The following BMPR1A variants were observed in gnomAD, a reference collection of about 807,000 sequenced individuals.
The protein encoded by BMPR1A is bone morphogenetic protein receptor type 1A.
BMPR1A carries 7 observed loss-of-function variants against 66.0 expected under a neutral mutation model. That is an observed-to-expected ratio of 0.11 (90% CI 0.06 to 0.20). The LOEUF is 0.20. Ranked by LOEUF, BMPR1A falls within the 10% of genes least tolerant of loss-of-function variation. The pLI is 1.00. For synonymous variants in BMPR1A, 200 were observed against 229.7 expected (o/e 0.87, Z 1.17); for missense variants, 408 against 669.1 (o/e 0.61, Z 4.31).
intron 1 of BMPR1A, among the ~76,000 whole-genome samples, chr10:86,836,180 T>C (rs1199039524): frequency 6.6e-6 from 1 of 152,228 alleles, no homozygotes; most frequent in Non-Finnish European, 1.5e-5. Flanking sequence ...TGTGGTAAAT[T>C]ACCCAGTAAG....
chr10:86,922,910 G>A (rs919376168), intron 11 of BMPR1A, among the ~76,000 whole-genome samples: 2 of 152,342 alleles, frequency 1.3e-5, no homozygotes, highest in South Asian at 2.1e-4. Flanking sequence ...TTGTGTACCC[G>A]GGCACTGGCC....
intron 1 of BMPR1A, among the ~76,000 whole-genome samples, chr10:86,761,589 T>A (rs529678092): frequency 6.6e-6 from 1 of 152,378 alleles, no homozygotes; most frequent in African/African-American, 2.4e-5. Context: ...TGCCTAGTGT[T>A]CCACTATTGG....
At chr10:86,916,151 A>G (rs919446129) in intron 8 of BMPR1A, among the ~76,000 whole-genome samples, 9 of 152,222 alleles carry the variant, frequency 5.9e-5, no homozygotes, top group African/African-American at 1.9e-4. Context: ...AGTGAATTCT[A>G]AAAGTTGAGA....
Position 86,904,896 on chromosome 10 carries a change from C to A in BMPR1A, c.530+4770C>A, listed in dbSNP as rs182074205. Among the ~76,000 whole-genome samples the A allele has an allele frequency of 9.6e-4, 146 of 152,312 alleles. 1 individual carries two copies. The Middle Eastern group carries it at 0.01, about 11-fold the overall frequency. On this transcript the variant is annotated intron_variant, in intron 7 of 12. Coordinates refer to ENST00000372037, the MANE Select transcript of BMPR1A (RefSeq NM_004329.3). Reference sequence around the variant, plus strand: ...CCCTGTTTATTTAGCTTTAGAACTTCATGTGCTAGTTCAGTCTGTGAAGAT... The same window carrying A: ...CCCTGTTTATTTAGCTTTAGAACTTAATGTGCTAGTTCAGTCTGTGAAGAT...
chr10:86,789,705 CTCTG>C (rs1841572070), intron 1 of BMPR1A, among the ~76,000 whole-genome samples: 1 of 142,224 alleles, frequency 7.0e-6, no homozygotes, highest in South Asian at 2.2e-4. Flanking sequence ...AGAGTGAAAA[CTCTG>C]TCTTAGAAAA....
At chr10:86,880,580 G>T (rs926079759) in intron 3 of BMPR1A, among the ~76,000 whole-genome samples, 2 of 152,184 alleles carry the variant, frequency 1.3e-5, no homozygotes, top group Non-Finnish European at 2.9e-5. Context: ...TTTAATGGAT[G>T]AATACAGTTA....
chr10:86,835,549 C>CAAAAAAAAAAAAAAAAAAAAAAAAAAAA (rs55804247), intron 1 of BMPR1A, among the ~76,000 whole-genome samples: 2 of 44,338 alleles, frequency 4.5e-5, no homozygotes, highest in Non-Finnish European at 7.8e-5. Flanking sequence ...GACTCTGTAT[C>CAAAAAAAAAAAAAAAAAAAAAAAAAAAA]AAAAAAAAAA....
intron 1 of BMPR1A, among the ~76,000 whole-genome samples, chr10:86,809,331 C>A (rs1189850731): frequency 1.3e-5 from 2 of 151,496 alleles, no homozygotes; most frequent in Admixed American, 1.3e-4. Flanking sequence ...ACTCTGTCAC[C>A]CAGGCTGGAG....
intron 2 of BMPR1A, among the ~76,000 whole-genome samples, chr10:86,859,052 A>G (rs1465845316): frequency 1.3e-5 from 2 of 152,228 alleles, no homozygotes; most frequent in African/African-American, 4.8e-5. Flanking sequence ...CTGAAACAGC[A>G]TGGTACTAGC....
chr10:86,805,311 C>G (rs1841873316), intron 1 of BMPR1A, among the ~76,000 whole-genome samples: 1 of 151,500 alleles, frequency 6.6e-6, no homozygotes. Flanking sequence ...CCCACATTCA[C>G]CAGTTTTTAA....
At chr10:86,770,366 C>T (rs1398786641) in intron 1 of BMPR1A, among the ~76,000 whole-genome samples, 2 of 150,756 alleles carry the variant, frequency 1.3e-5, no homozygotes, top group East Asian at 1.9e-4. Flanking sequence ...GAGCTATGAT[C>T]TTATCACTGC....
chr10:86,802,233 G>A (rs1346029762), intron 1 of BMPR1A, among the ~76,000 whole-genome samples: 4 of 152,092 alleles, frequency 2.6e-5, no homozygotes, highest in Admixed American at 1.3e-4. Flanking sequence ...GGTGAGGGAC[G>A]CTCCAGATCA....
chr10:86,800,310 CTT>C (rs1841793123), intron 1 of BMPR1A, among the ~76,000 whole-genome samples: 1 of 152,132 alleles, frequency 6.6e-6, no homozygotes, highest in African/African-American at 2.4e-5. Flanking sequence ...CATTTGGACT[CTT>C]TCTTCATATA....
intron 7 of BMPR1A, 127 bp downstream of exon 7, chr10:86,900,253 G>C: frequency 2.3e-6 from 2 of 884,474 alleles, no homozygotes; most frequent in Non-Finnish European, 3.5e-6. Flanking sequence ...TATGTAACTA[G>C]ACTATAGTTC....
rs758432395 is a variant in BMPR1A, at chr10:86,919,318, G to A, written c.1015G>A (p.Ala339Thr). 1.2e-6 allele frequency: 2 copies of A among 1,613,806 alleles called. No homozygotes were observed. Among genetic ancestry groups the A allele is most frequent in the Admixed American group, 1.7e-5 (1 of 60,012 alleles). ...RALLKLAYSA[A>T]CGLCHLHTEI... is the part of the protein sequence containing the mutation. ...CCTGCTTAAATTGGCTTATTCAGCTGCCTGTGGTCTGTGCCACCTGCACAC... is the reference window on the plus strand; with the variant it reads ...CCTGCTTAAATTGGCTTATTCAGCTACCTGTGGTCTGTGCCACCTGCACAC... The change falls in exon 10 of 13, where the codon GCC becomes ACC. Residue 339 changes from alanine to threonine, a missense_variant. Ala to Thr is a moderately conservative substitution (Grantham distance 58). This residue lies in a region of BMPR1A where 130 missense variants were observed against 257.3 expected (regional missense o/e 0.51). Transcript: ENST00000372037.
downstream of BMPR1A, chr10:86,929,079 C>CATTTGGTCTTAG (rs1843784504): frequency 6.6e-6 from 1 of 151,870 alleles, no homozygotes; most frequent in Non-Finnish European, 1.5e-5. Context: ...AATTTCTGTG[C>CATTTGGTCTTAG]TCAATCCCCT....
At chr10:86,802,527 A>C (rs947199842) in intron 1 of BMPR1A, among the ~76,000 whole-genome samples, 3 of 152,188 alleles carry the variant, frequency 2.0e-5, no homozygotes, top group African/African-American at 7.2e-5. Flanking sequence ...TGTCACATTC[A>C]AATAAGCAGT....
At chr10:86,767,002 T>A (rs1841175561) in intron 1 of BMPR1A, among the ~76,000 whole-genome samples, 1 of 152,040 alleles carries the variant, frequency 6.6e-6, no homozygotes, top group South Asian at 2.1e-4. Flanking sequence ...TTTTGTATTT[T>A]TAGTAGAGAC....
At chr10:86,829,102 G>A (rs369042668) in intron 1 of BMPR1A, among the ~76,000 whole-genome samples, 1 of 152,148 alleles carries the variant, frequency 6.6e-6, no homozygotes, top group East Asian at 1.9e-4. Flanking sequence ...ACTTCAGACT[G>A]AGCACCCAGA....
Sources: gnomAD v4.1 joint callset for allele counts (sites outside exome capture counted in the v4.1 genomes callset) on GRCh38, gnomAD v4.1.1 for gene constraint, gnomAD v4.1.1 regional missense constraint, MANE v1.5 for transcripts, NCBI Gene and HGNC (gene_info 2026-07-23, HGNC 2026-07-21) for gene names.